The following SYT2 variants were observed in gnomAD, a reference collection of about 807,000 sequenced individuals.
The protein encoded by SYT2 is synaptotagmin 2.
SYT2 carries 15 observed loss-of-function variants against 39.9 expected under a neutral mutation model. The ratio of observed to expected loss-of-function variants is 0.38; its 90% confidence interval spans 0.25 to 0.58. The LOEUF (loss-of-function observed/expected upper bound fraction) is 0.58, where lower values mean the gene tolerates loss of function less well. Ranked by LOEUF, SYT2 falls within the 20% of genes least tolerant of loss-of-function variation. The pLI, the probability that SYT2 is intolerant of heterozygous loss-of-function variation, is 0.70. For synonymous variants in SYT2, 181 were observed against 204.5 expected (o/e 0.89, Z 0.98); for missense variants, 389 against 530.3 (o/e 0.73, Z 2.62).
intron 1 of SYT2, among the ~76,000 whole-genome samples, chr1:202,641,995 T>A (rs1430243490): frequency 6.6e-6 from 1 of 152,106 alleles, no homozygotes; most frequent in Non-Finnish European, 1.5e-5. Context: ...GGAGCTACAG[T>A]CTTCCCAGAG....
At chr1:202,684,185 C>T (rs144928394) in intron 1 of SYT2, among the ~76,000 whole-genome samples, 2 of 152,238 alleles carry the variant, frequency 1.3e-5, no homozygotes, top group African/African-American at 2.4e-5. Flanking sequence ...CTTTGCTCTT[C>T]GCAAATGTTC....
At chr1:202,654,802 T>C (rs1315961624) in intron 1 of SYT2, among the ~76,000 whole-genome samples, 1 of 152,092 alleles carries the variant, frequency 6.6e-6, no homozygotes, top group Admixed American at 6.5e-5. Flanking sequence ...TGGGCCAAAA[T>C]TAACTAGGCA....
At chr1:202,649,291 A>G (rs1692148027) in intron 1 of SYT2, among the ~76,000 whole-genome samples, 1 of 152,216 alleles carries the variant, frequency 6.6e-6, no homozygotes, top group South Asian at 2.1e-4. Context: ...GCTGGGATGA[A>G]GCAGATCTGG....
chr1:202,602,926 T>G, intron 4 of SYT2, 73 bp downstream of exon 4: 1 of 1,562,450 alleles, frequency 6.4e-7, no homozygotes, highest in Non-Finnish European at 8.8e-7. Context: ...AGGGAGCTGT[T>G]TCTATCCCCC....
intron 1 of SYT2, among the ~76,000 whole-genome samples, chr1:202,690,921 G>A (rs377050093): frequency 5.3e-5 from 8 of 152,078 alleles, no homozygotes; most frequent in South Asian, 4.2e-4. Flanking sequence ...AACTGCTCCC[G>A]TATCTGGGCA....
At chr1:202,630,249 A>C (rs1691543223) in intron 1 of SYT2, 10 of 340,802 alleles carry the variant, frequency 2.9e-5, no homozygotes, top group Non-Finnish European at 4.2e-5. Context: ...AGAAAAACGA[A>C]TGTGCAGAGC....
At chr1:202,613,934 T>A (rs747327927) in intron 1 of SYT2, among the ~76,000 whole-genome samples, 3 of 152,258 alleles carry the variant, frequency 2.0e-5, no homozygotes, top group Non-Finnish European at 4.4e-5. Flanking sequence ...TTTTCAGAAC[T>A]GCCGTGAAAA....
At chr1:202,638,479 C>CT (rs1222439525) in intron 1 of SYT2, among the ~76,000 whole-genome samples, 2 of 152,254 alleles carry the variant, frequency 1.3e-5, no homozygotes, top group Non-Finnish European at 2.9e-5. Flanking sequence ...AATGGGCCAT[C>CT]TGCTCGGAGG....
intron 1 of SYT2, among the ~76,000 whole-genome samples, chr1:202,669,717 C>G (rs1692547387): frequency 6.7e-6 from 1 of 150,144 alleles, no homozygotes; most frequent in African/African-American, 2.5e-5. Flanking sequence ...ATGATCATAC[C>G]ACTGAACTCC....
intron 1 of SYT2, among the ~76,000 whole-genome samples, chr1:202,705,393 A>G (rs1316789459): frequency 1.3e-5 from 2 of 152,184 alleles, no homozygotes; most frequent in Admixed American, 6.5e-5. Flanking sequence ...GTTGTGCGGG[A>G]CCCACACTGA....
intron 1 of SYT2, among the ~76,000 whole-genome samples, chr1:202,705,315 G>GCCCTTGTGAGCCGCTCTATC (rs1654220943): frequency 1.3e-5 from 2 of 152,236 alleles, no homozygotes; most frequent in African/African-American, 4.8e-5. Flanking sequence ...GAGCTTGACC[G>GCCCTTGTGAGCCGCTCTATC]CCCTTGTGAG....
rs1690496537 is a variant in SYT2 at position 202,601,305 on chromosome 1, G to A, written c.801+585C>T. Among the ~76,000 whole-genome samples the A allele has an allele frequency of 1.3e-5, 2 of 152,236 alleles. No homozygotes were observed. The highest frequency in any genetic ancestry group is 1.3e-4 in the Admixed American group (2 of 15,280). ...CAGGGGACAAAAGGGAAAAAAGGATGTCTTAAGCTTCTCTACTCAGCCCTC... is the reference window on the plus strand; with the variant it reads ...CAGGGGACAAAAGGGAAAAAAGGATATCTTAAGCTTCTCTACTCAGCCCTC... On this transcript the variant is annotated intron_variant, in intron 6 of 8. Transcript: ENST00000367268. This position sits in a 1 kb window ranked among gnomAD's most constrained non-coding sequence, Gnocchi z 4.0.
chr1:202,662,703 A>T (rs1692405170), intron 1 of SYT2, among the ~76,000 whole-genome samples: 1 of 152,216 alleles, frequency 6.6e-6, no homozygotes. Context: ...AGGCTTTGGC[A>T]TTACACAAAG....
intron 1 of SYT2, among the ~76,000 whole-genome samples, chr1:202,607,736 T>C (rs1457014420): frequency 6.6e-6 from 1 of 152,210 alleles, no homozygotes; most frequent in Non-Finnish European, 1.5e-5. Flanking sequence ...CAAGGTCCAC[T>C]GGACTTCGCC....
intron 1 of SYT2, among the ~76,000 whole-genome samples, chr1:202,688,661 C>T (rs1476316597): frequency 6.6e-6 from 1 of 152,192 alleles, no homozygotes; most frequent in Non-Finnish European, 1.5e-5. Flanking sequence ...AGATCTGCAG[C>T]CCAAGGAACA....
intron 1 of SYT2, among the ~76,000 whole-genome samples, chr1:202,709,545 T>C (rs1462039265): frequency 2.0e-5 from 3 of 152,184 alleles, no homozygotes; most frequent in Non-Finnish European, 4.4e-5. Flanking sequence ...AGTCGGGCTG[T>C]CAGCACCCGC....
intron 1 of SYT2, among the ~76,000 whole-genome samples, chr1:202,647,304 TC>T (rs1237021706): frequency 2.0e-5 from 3 of 152,180 alleles, no homozygotes; most frequent in Admixed American, 6.5e-5. Flanking sequence ...CCCATATGTT[TC>T]CAGGGCCCGT....
chr1:202,643,170 T>C (rs1330818617), intron 1 of SYT2: 1 of 152,378 alleles, frequency 6.6e-6, no homozygotes, highest in Non-Finnish European at 1.5e-5. Context: ...CGACCCCGCG[T>C]CCGCCCACGC....
intron 1 of SYT2, chr1:202,632,073 G>A (rs529533400): frequency 3.0e-5 from 30 of 985,432 alleles, no homozygotes; most frequent in Non-Finnish European, 3.3e-5. Context: ...CTGAGGTGGG[G>A]TAAGAGGGGA....
Sources: gnomAD v4.1 joint callset for allele counts (sites outside exome capture counted in the v4.1 genomes callset) on GRCh38, gnomAD v4.1.1 for gene constraint, Gnocchi (gnomAD v3.1) non-coding constraint, MANE v1.5 for transcripts, NCBI Gene and HGNC (gene_info 2026-07-23, HGNC 2026-07-21) for gene names.